The following WDR27 variants were observed in gnomAD, a reference collection of about 807,000 sequenced individuals.
The protein encoded by WDR27 is WD repeat domain 27.
WDR27 carries 100 observed loss-of-function variants against 114.4 expected under a neutral mutation model. The observed-to-expected ratio is 0.87, with a 90% CI of 0.74 to 1.03. The LOEUF is 1.03. WDR27 is among the 50% of genes least tolerant of loss of function. WDR27 has a pLI of 0.00. For synonymous variants in WDR27, 449 were observed against 423.1 expected (o/e 1.06, Z -0.75); for missense variants, 1,129 against 1,092.9 (o/e 1.03, Z -0.47).
At chr6:169,667,484 A>T in intron 5 of WDR27, 1 of 688,554 alleles carries the variant, frequency 1.5e-6, no homozygotes, top group South Asian at 6.6e-5. Context: ...AACGCTGCCA[A>T]GATAGAGGCA....
rs186319331 is a variant in WDR27 at position 169,502,887 on chromosome 6, A to T, written c.2646-45253T>A. ...TGAGGGGAAGCCAAGATTCGAGTAG[A>T]TGGATTTGCTGAGGAGGGTCTTGAA... is the stretch of plus-strand genomic sequence containing the variant. On this transcript the variant is annotated intron_variant, in intron 25 of 25. Coordinates refer to ENST00000448612, the MANE Select transcript of WDR27 (RefSeq NM_182552.5). Among the ~76,000 whole-genome samples the T allele has an allele frequency of 6.0e-3, 908 of 152,244 alleles. 9 individuals are homozygous for T. Among genetic ancestry groups the T allele is most frequent in the African/African-American group, 0.02 (848 of 41,532 alleles).
chr6:169,521,236 T>C (rs1455013140), intron 25 of WDR27, among the ~76,000 whole-genome samples: 1 of 152,048 alleles, frequency 6.6e-6, no homozygotes, highest in African/African-American at 2.4e-5. Context: ...AGGATGACAT[T>C]TTCAAAGTGC....
At chr6:169,529,047 T>C (rs1224121383) in intron 25 of WDR27, among the ~76,000 whole-genome samples, 1 of 152,172 alleles carries the variant, frequency 6.6e-6, no homozygotes, top group Non-Finnish European at 1.5e-5. Flanking sequence ...ATCATAGCGT[T>C]GTTTATATTT....
At chr6:169,432,637 G>T in the WDR27 span, among the ~76,000 whole-genome samples, 2 of 152,146 alleles carry the variant, frequency 1.3e-5, no homozygotes, top group African/African-American at 2.4e-5. Context: ...TGAGCATGAG[G>T]CCTCCCCAGT....
chr6:169,489,561 T>G (rs1465932203), intron 25 of WDR27, among the ~76,000 whole-genome samples: 1 of 152,046 alleles, frequency 6.6e-6, no homozygotes. Context: ...GACATAGCAT[T>G]GCACGTCTCT....
At position 169,494,856 on chromosome 6, in the gene WDR27, T is replaced by C. The variant is rs192383426; in HGVS notation, c.2646-37222A>G. 8.5e-5 allele frequency among the ~76,000 whole-genome samples: 13 copies of C among 152,330 alleles called. No individual in the cohort carries two copies. The East Asian group carries it at 2.5e-3, about 29-fold the overall frequency. On this transcript the variant is annotated intron_variant, in intron 25 of 25. Transcript: ENST00000448612. Reference sequence around the variant, plus strand: ...AAGCTCCAGTAATCAATATGCTTGCTCAAACACATGTGAAAGCATTTACTA... The same window carrying C: ...AAGCTCCAGTAATCAATATGCTTGCCCAAACACATGTGAAAGCATTTACTA...
rs143866619 is a variant in WDR27, at chr6:169,469,312, C to T, written c.2646-11678G>A. On this transcript the variant is annotated intron_variant, in intron 25 of 25. Transcript: ENST00000448612. ...ATTTTTCCAAATTACAATGGTAGGA[C>T]AGGCATAACATAGACATTCCCATCC... Among the ~76,000 whole-genome samples, 898 of 152,314 alleles carry T rather than the reference C, an allele frequency of 5.9e-3. 11 individuals are homozygous for T. The highest frequency in any genetic ancestry group is 0.019 in the African/African-American group (800 of 41,574).
intron 25 of WDR27, among the ~76,000 whole-genome samples, chr6:169,523,909 T>C (rs1274168625): frequency 6.6e-6 from 1 of 152,074 alleles, no homozygotes; most frequent in Non-Finnish European, 1.5e-5. Context: ...TTTTACCATG[T>C]TTTTTCCACA....
intron 2 of WDR27, among the ~76,000 whole-genome samples, chr6:169,679,411 G>GT (rs1780891750): frequency 6.6e-6 from 1 of 152,234 alleles, no homozygotes. Flanking sequence ...GACATAAAAT[G>GT]TAGGGGACCA....
intron 21 of WDR27, among the ~76,000 whole-genome samples, chr6:169,616,566 A>G (rs915893997): frequency 1.3e-5 from 2 of 152,222 alleles, no homozygotes; most frequent in Non-Finnish European, 2.9e-5. Flanking sequence ...TCTCTCAGTA[A>G]TTAAAAAAAT....
At chr6:169,616,305 TG>T (rs745886877) in intron 21 of WDR27, among the ~76,000 whole-genome samples, 16 of 152,072 alleles carry the variant, frequency 1.1e-4, no homozygotes, top group Non-Finnish European at 1.6e-4. Flanking sequence ...CTGGCCAACA[TG>T]GTGAAACCCT....
chr6:169,439,451 G>T, the WDR27 span, among the ~76,000 whole-genome samples: 47 of 151,986 alleles, frequency 3.1e-4, no homozygotes, highest in Non-Finnish European at 6.2e-4. Context: ...TCATAAAAAA[G>T]ATTCTAGCAA....
chr6:169,560,022 A>G (rs1330924368), intron 25 of WDR27: 1 of 152,168 alleles, frequency 6.6e-6, no homozygotes, highest in Non-Finnish European at 1.5e-5. Flanking sequence ...TAAGCACCTA[A>G]TCAGTGCAAG....
At chr6:169,566,701 G>A (rs73790019) in intron 25 of WDR27, among the ~76,000 whole-genome samples, 2,451 of 152,294 alleles carry the variant, frequency 0.016, 62 homozygotes, top group African/African-American at 0.056. Context: ...CACCCTGGGT[G>A]TTGCGAGGCT....
At position 169,684,833 on chromosome 6, in the gene WDR27, G is replaced by T. The variant is rs1782491662; in HGVS notation, c.189+3984C>A. ...AACAGCCCCAGGAGCTGCCCCAGCA[G>T]ATATGTCCCCACGCTGGCCAAGCAA... On this transcript the variant is annotated intron_variant, in intron 2 of 25. Coordinates refer to ENST00000448612, the MANE Select transcript of WDR27 (RefSeq NM_182552.5). The surrounding 1 kb of genome is among the most constrained non-coding windows in gnomAD (Gnocchi z 4.3). 6.6e-6 allele frequency among the ~76,000 whole-genome samples: 1 copy of T among 152,210 alleles called. No homozygotes were observed. Among genetic ancestry groups the T allele is most frequent in the African/African-American group, 2.4e-5 (1 of 41,460 alleles).
intron 25 of WDR27, among the ~76,000 whole-genome samples, chr6:169,479,562 A>C (rs1235234034): frequency 2.6e-5 from 4 of 152,228 alleles, no homozygotes; most frequent in Non-Finnish European, 5.9e-5. Flanking sequence ...AGTCAAACAA[A>C]ATGTGTTTAT....
the WDR27 span, among the ~76,000 whole-genome samples, chr6:169,446,221 T>C: frequency 6.6e-6 from 1 of 152,170 alleles, no homozygotes; most frequent in Non-Finnish European, 1.5e-5. Flanking sequence ...ACCCACAGGC[T>C]TGTCTTCAGA....
intron 25 of WDR27, among the ~76,000 whole-genome samples, chr6:169,494,376 A>T (rs1790143662): frequency 1.3e-5 from 2 of 152,116 alleles, no homozygotes; most frequent in African/African-American, 4.8e-5. Flanking sequence ...GTGAAACATC[A>T]GTTCTTCTTG....
intron 16 of WDR27, among the ~76,000 whole-genome samples, chr6:169,644,424 AGG>A (rs1819983629): frequency 6.6e-6 from 1 of 150,722 alleles, no homozygotes; most frequent in Non-Finnish European, 1.5e-5. Flanking sequence ...CCTAGTTCAC[AGG>A]AGTCACACTG....
Sources: gnomAD v4.1 joint callset for allele counts (sites outside exome capture counted in the v4.1 genomes callset) on GRCh38, gnomAD v4.1.1 for gene constraint, Gnocchi (gnomAD v3.1) non-coding constraint, MANE v1.5 for transcripts, NCBI Gene and HGNC (gene_info 2026-07-23, HGNC 2026-07-21) for gene names.